Variants in CNTN1 observed in about 807,000 individuals in gnomAD.
CNTN1 encodes contactin 1.
A neutral mutation model predicts 126.4 loss-of-function variants in CNTN1; 38 were observed. That is an observed-to-expected ratio of 0.30 (90% CI 0.23 to 0.39). The LOEUF is 0.39. Among genes scored for constraint, CNTN1 ranks in the 10% least tolerant of loss-of-function variants. The pLI, the probability that CNTN1 is intolerant of heterozygous loss-of-function variation, is 1.00. For synonymous variants in CNTN1, 413 were observed against 422.6 expected (o/e 0.98, Z 0.28); for missense variants, 1,009 against 1,248.4 (o/e 0.81, Z 2.89).
chr12:40,900,923 C>T (rs1324841545), intron 1 of CNTN1, among the ~76,000 whole-genome samples: 4 of 152,122 alleles, frequency 2.6e-5, no homozygotes, highest in African/African-American at 7.2e-5. Context: ...CTGACAACCG[C>T]TCTGTTGTCG....
At chr12:40,839,385 C>T (rs1942193104) in intron 1 of CNTN1, among the ~76,000 whole-genome samples, 1 of 152,090 alleles carries the variant, frequency 6.6e-6, no homozygotes, top group South Asian at 2.1e-4. Context: ...ATGAAAATTT[C>T]CCAAATCTAG....
intron 1 of CNTN1, among the ~76,000 whole-genome samples, chr12:40,748,720 A>G (rs1938280274): frequency 1.3e-5 from 2 of 151,986 alleles, no homozygotes; most frequent in Non-Finnish European, 2.9e-5. Context: ...AGTCTTTTGT[A>G]TTGCTGTTTT....
intron 9 of CNTN1, among the ~76,000 whole-genome samples, chr12:40,934,887 G>T (rs1294553496): frequency 6.6e-6 from 1 of 151,944 alleles, no homozygotes; most frequent in Non-Finnish European, 1.5e-5. Context: ...TAACAGCAGT[G>T]GTTGCCACAG....
chr12:40,766,837 G>A (rs1337406792), intron 1 of CNTN1, among the ~76,000 whole-genome samples: 3 of 152,200 alleles, frequency 2.0e-5, no homozygotes, highest in Non-Finnish European at 4.4e-5. Flanking sequence ...CCACCTTTTA[G>A]ATGTGAGTCA....
At chr12:40,798,225 G>A (rs1374436175) in intron 1 of CNTN1, among the ~76,000 whole-genome samples, 2 of 152,110 alleles carry the variant, frequency 1.3e-5, no homozygotes, top group East Asian at 3.9e-4. Context: ...AAAAAGAAAA[G>A]GAGGAGAGCC....
At chr12:40,925,842 G>T (rs1592267675) in intron 6 of CNTN1, among the ~76,000 whole-genome samples, 1 of 129,198 alleles carries the variant, frequency 7.7e-6, no homozygotes, top group African/African-American at 3.1e-5. Flanking sequence ...ATGTGTGTGT[G>T]TGTATATATA....
At chr12:40,766,848 C>T (rs1038256169) in intron 1 of CNTN1, among the ~76,000 whole-genome samples, 1 of 152,112 alleles carries the variant, frequency 6.6e-6, no homozygotes, top group Non-Finnish European at 1.5e-5. Context: ...ATGTGAGTCA[C>T]TGTGTGGATA....
intron 1 of CNTN1, among the ~76,000 whole-genome samples, chr12:40,806,547 T>C (rs1940863875): frequency 1.3e-5 from 2 of 152,266 alleles, no homozygotes; most frequent in East Asian, 1.9e-4. Flanking sequence ...CCCACCCAAA[T>C]GGACCACCAG....
intron 1 of CNTN1, among the ~76,000 whole-genome samples, chr12:40,887,253 G>C (rs899695647): frequency 2.6e-5 from 4 of 151,914 alleles, no homozygotes; most frequent in Non-Finnish European, 5.9e-5. Context: ...TTGAGCAGTG[G>C]TTTGTAGTTC....
chr12:41,030,264 A>G (rs1347111149), intron 23 of CNTN1, among the ~76,000 whole-genome samples: 1 of 152,096 alleles, frequency 6.6e-6, no homozygotes, highest in Non-Finnish European at 1.5e-5. Context: ...ACCAACAAAA[A>G]ATCCTTTACC....
chr12:40,921,480 C>T (rs1195533005), intron 4 of CNTN1, among the ~76,000 whole-genome samples: 1 of 152,062 alleles, frequency 6.6e-6, no homozygotes, highest in East Asian at 1.9e-4. Context: ...AAGTTAGATC[C>T]CTGTTTCCAG....
At chr12:40,979,640 A>G (rs1193811382) in intron 15 of CNTN1, among the ~76,000 whole-genome samples, 2 of 152,162 alleles carry the variant, frequency 1.3e-5, no homozygotes, top group African/African-American at 4.8e-5. Context: ...AAATGTCTAT[A>G]CTAGGAGCTG....
chr12:40,962,600 C>T (rs1947143794), intron 15 of CNTN1, among the ~76,000 whole-genome samples: 1 of 151,906 alleles, frequency 6.6e-6, no homozygotes, highest in Admixed American at 6.6e-5. Flanking sequence ...TGGCAATTGT[C>T]GCCAAAGAAA....
chr12:40,901,489 G>C (rs937811563), intron 1 of CNTN1, among the ~76,000 whole-genome samples: 3 of 152,136 alleles, frequency 2.0e-5, no homozygotes, highest in Non-Finnish European at 2.9e-5. Flanking sequence ...TAAGTAATTT[G>C]TAGGCATACT....
At chr12:40,841,753 A>G (rs12371725) in intron 1 of CNTN1, among the ~76,000 whole-genome samples, 38,553 of 151,886 alleles carry the variant, frequency 0.25, 5,402 homozygotes, top group South Asian at 0.37. Flanking sequence ...CTCTCAACAA[A>G]CTAGGTATAG....
At chr12:40,901,367 A>G (rs1944602966) in intron 1 of CNTN1, among the ~76,000 whole-genome samples, 1 of 152,236 alleles carries the variant, frequency 6.6e-6, no homozygotes, top group African/African-American at 2.4e-5. Context: ...TCCAGGGTCC[A>G]CTTAACACCA....
chr12:40,971,299 G>A (rs1459845932), intron 15 of CNTN1: 1 of 720,716 alleles, frequency 1.4e-6, no homozygotes, highest in South Asian at 1.9e-5. Context: ...TCAGTGTGTA[G>A]GGGAAGATAC....
chr12:40,843,555 G>T (rs1043350412), intron 1 of CNTN1, among the ~76,000 whole-genome samples: 1 of 152,040 alleles, frequency 6.6e-6, no homozygotes, highest in Admixed American at 6.6e-5. Context: ...GTTTACATTT[G>T]TTATTAATAT....
intron 23 of CNTN1, among the ~76,000 whole-genome samples, chr12:41,051,351 C>T (rs1255214569): frequency 6.6e-6 from 1 of 151,568 alleles, no homozygotes; most frequent in African/African-American, 2.4e-5. Flanking sequence ...CAGCATTTCA[C>T]CGTGTTAGCC....
Sources: gnomAD v4.1 joint callset for allele counts (sites outside exome capture counted in the v4.1 genomes callset) on GRCh38, gnomAD v4.1.1 for gene constraint, MANE v1.5 for transcripts, NCBI Gene and HGNC (gene_info 2026-07-23, HGNC 2026-07-21) for gene names.